The following CNKSR2 variants were observed in gnomAD, a reference collection of about 807,000 sequenced individuals.
CNKSR2 encodes CNK homolog protein 2.
A neutral mutation model predicts 84.4 loss-of-function variants in CNKSR2; 14 were observed. The observed-to-expected ratio is 0.17, with a 90% CI of 0.11 to 0.26. CNKSR2 has a LOEUF of 0.26. CNKSR2 is among the 10% of genes least tolerant of loss of function. CNKSR2 has a pLI of 1.00. For synonymous variants in CNKSR2, 275 were observed against 277.9 expected (o/e 0.99, Z 0.10); for missense variants, 485 against 771.2 (o/e 0.63, Z 4.40).
chrX:21,440,658 T>C, intron 3 of CNKSR2, 36 bp from the exon 4 acceptor site: 1 of 829,987 alleles, frequency 1.2e-6, no homozygotes, highest in Non-Finnish European at 1.7e-6. Context: ...TCAAAAGCTG[T>C]TACTAGTAAT....
At chrX:21,430,684 A>T (rs1327710936) in intron 2 of CNKSR2, among the ~76,000 whole-genome samples, 3 of 112,243 alleles carry the variant, frequency 2.7e-5, no homozygotes, top group Non-Finnish European at 5.6e-5. Context: ...CAGTATTTTC[A>T]TTTACAATTA....
At chrX:21,432,884 A>ACC in intron 3 of CNKSR2, 70 bp downstream of exon 3, 1 of 1,089,589 alleles carries the variant, frequency 9.2e-7, no homozygotes. Context: ...ATTATTTTGC[A>ACC]TTTTGTTGTG....
intron 20 of CNKSR2, among the ~76,000 whole-genome samples, chrX:21,617,154 T>G (rs976435265): frequency 9.0e-6 from 1 of 111,632 alleles, no homozygotes; most frequent in Non-Finnish European, 1.9e-5. Context: ...AGCCACACTG[T>G]TATCTGCTAT....
intron 1 of CNKSR2, chrX:21,423,195 G>A (rs1353551546): frequency 9.0e-6 from 1 of 111,374 alleles, no homozygotes; most frequent in Non-Finnish European, 1.9e-5. Context: ...AAACAGTCTA[G>A]AGGTTTGGAA....
intron 5 of CNKSR2, among the ~76,000 whole-genome samples, chrX:21,485,299 T>G (rs1327778429): frequency 1.8e-5 from 2 of 111,978 alleles, no homozygotes; most frequent in Non-Finnish European, 3.8e-5. Context: ...GAATGCTATC[T>G]TATTATTGGT....
chrX:21,476,304 C>G (rs2091260113), intron 5 of CNKSR2, among the ~76,000 whole-genome samples: 1 of 111,453 alleles, frequency 9.0e-6, no homozygotes, highest in Admixed American at 9.6e-5. Context: ...GTACATTAAA[C>G]TAACATGGAA....
intron 8 of CNKSR2, among the ~76,000 whole-genome samples, chrX:21,508,292 T>C (rs1001679198): frequency 2.9e-4 from 33 of 112,466 alleles, no homozygotes; most frequent in African/African-American, 1.0e-3. Context: ...ATCGTGCCAC[T>C]GCACTCCAGC....
At chrX:21,469,622 T>C (rs2091172483) in intron 4 of CNKSR2, among the ~76,000 whole-genome samples, 1 of 111,040 alleles carries the variant, frequency 9.0e-6, no homozygotes, top group South Asian at 3.8e-4. Flanking sequence ...AAAGTTAAAA[T>C]AGCAATGGCC....
chrX:21,381,039 A>G (rs1393137956), intron 1 of CNKSR2, among the ~76,000 whole-genome samples: 1 of 112,058 alleles, frequency 8.9e-6, no homozygotes, highest in Non-Finnish European at 1.9e-5. Context: ...TCGGTGAGGG[A>G]ATTCACAGTT....
rs754187769 is a variant in CNKSR2, at chrX:21,561,474, A to G, written c.1307A>G (p.Lys436Arg). The G allele has an allele frequency of 2.5e-6, 3 of 1,200,153 alleles. No individual in the cohort carries two copies. Residue 436 changes from lysine (K) to arginine (R), a missense_variant, in exon 12 of 22, where the codon AAG (lysine) becomes AGG (arginine). Coordinates refer to ENST00000379510, the MANE Select transcript of CNKSR2 (RefSeq NM_014927.5). ...GRRESTPTYG[K>R]LRPISMPVEY... Reference sequence around the variant, plus strand: ...GAACTTTGTTCTCTGTGTTTAGGCAAGCTACGACCTATATCTATGCCAGTG... The same window carrying G: ...GAACTTTGTTCTCTGTGTTTAGGCAGGCTACGACCTATATCTATGCCAGTG...
At chrX:21,488,162 G>T (rs1288819815) in intron 5 of CNKSR2, among the ~76,000 whole-genome samples, 1 of 111,963 alleles carries the variant, frequency 8.9e-6, no homozygotes, top group Non-Finnish European at 1.9e-5. Flanking sequence ...TGTAGTTACT[G>T]ATCATTGTAA....
At chrX:21,641,768 T>G in intron 20 of CNKSR2, 1 of 1,027,838 alleles carries the variant, frequency 9.7e-7, no homozygotes, top group Non-Finnish European at 1.2e-6. Context: ...TCAAGTGTTT[T>G]GGATTGGGGG....
intron 1 of CNKSR2, among the ~76,000 whole-genome samples, chrX:21,408,716 T>C (rs2090298214): frequency 1.8e-5 from 2 of 111,204 alleles, no homozygotes; most frequent in South Asian, 7.6e-4. Context: ...TGTCTTCTCA[T>C]ATGACATCAG....
At chrX:21,500,172 C>A (rs1236270412) in intron 7 of CNKSR2, among the ~76,000 whole-genome samples, 1 of 110,412 alleles carries the variant, frequency 9.1e-6, no homozygotes, top group Non-Finnish European at 1.9e-5. Context: ...TGATCTATCC[C>A]CTTAATAATG....
At chrX:21,558,420 T>G (rs2147180976) in intron 11 of CNKSR2, among the ~76,000 whole-genome samples, 1 of 111,175 alleles carries the variant, frequency 9.0e-6, no homozygotes, top group African/African-American at 3.2e-5. Context: ...AATCTATGGT[T>G]TTATAACTAA....
chrX:21,512,279 C>T (rs1027253676), intron 8 of CNKSR2, among the ~76,000 whole-genome samples: 11 of 110,904 alleles, frequency 9.9e-5, no homozygotes, highest in Non-Finnish European at 1.7e-4. Context: ...AATAAAGGGT[C>T]GGGGGAGGAA....
At chrX:21,426,725 TTTC>T in intron 2 of CNKSR2, 65 bp downstream of exon 2, 1 of 1,083,008 alleles carries the variant, frequency 9.2e-7, no homozygotes, top group Non-Finnish European at 1.2e-6. Flanking sequence ...TTTTCCCTTT[TTTC>T]TTCTCCTCTT....
rs1003340348 is a variant in CNKSR2 at position 21,609,122 on chromosome X, A to T, written c.2197A>T (p.Thr733Ser). The stretch of plus-strand genomic sequence containing the variant: ...AGCAAAACATAGCCGACTTTCCTCC[A>T]CGGAGACTTCTCAGTCTCAGTCTTC... Reference protein sequence around the residue: ...VEAKHSRLSSTETSQSQSSHE... With the variant: ...VEAKHSRLSSSETSQSQSSHE... The change falls in exon 20 of 22, where the codon ACG becomes TCG. Residue 733 changes from threonine to serine, a missense_variant. Physicochemically the swap from Thr to Ser is moderately conservative, Grantham distance 58 (BLOSUM62 1). Transcript: ENST00000379510. 2.5e-6 allele frequency: 3 copies of T among 1,211,260 alleles called. No individual in the cohort carries two copies. The East Asian group carries it at 8.9e-5, about 36-fold the overall frequency.
chrX:21,409,250 A>G (rs1358971979), intron 1 of CNKSR2, among the ~76,000 whole-genome samples: 2 of 79,119 alleles, frequency 2.5e-5, no homozygotes, highest in African/African-American at 4.8e-5. Context: ...ATATATATAT[A>G]TATATATATA....
Sources: allele counts gnomAD v4.1 joint callset (sites outside exome capture counted in the v4.1 genomes callset), GRCh38; gene constraint gnomAD v4.1.1; transcripts MANE v1.5; gene names NCBI Gene and HGNC (gene_info 2026-07-23, HGNC 2026-07-21).